The following PCDH10 variants were observed in gnomAD, a reference collection of about 807,000 sequenced individuals.
PCDH10 encodes the protein protocadherin 10.
In PCDH10, 15 loss-of-function variants were observed where a neutral mutation model predicts 74.4. The ratio of observed to expected loss-of-function variants is 0.20; its 90% CI spans 0.13 to 0.31. The LOEUF is 0.31. Ranked by LOEUF, PCDH10 falls within the 10% of genes least tolerant of loss-of-function variation. The probability of loss-of-function intolerance (pLI) is 1.00; values close to 1 mark genes in which losing one functional copy is unlikely to be tolerated. For synonymous variants in PCDH10, 619 were observed against 589.8 expected (o/e 1.05, Z -0.72); for missense variants, 1,260 against 1,390.2 (o/e 0.91, Z 1.49).
intron 4 of PCDH10, 152 bp from the exon 5 acceptor site, chr4:133,189,989 A>T: frequency 1.5e-6 from 1 of 648,294 alleles, no homozygotes; most frequent in Non-Finnish European, 2.8e-6. Context: ...AATGGCTGTG[A>T]CTACTAGCAG....
At chr4:133,161,347 T>C (rs1338122632) in intron 3 of PCDH10, among the ~76,000 whole-genome samples, 1 of 152,170 alleles carries the variant, frequency 6.6e-6, no homozygotes, top group Non-Finnish European at 1.5e-5. Context: ...TTAAAATTTA[T>C]GTAATTTGCT....
At chr4:133,208,454 T>C (rs115720933) in exon 3 of PCDH10, 90 of 152,316 alleles carry the variant, frequency 5.9e-4, no homozygotes, top group African/African-American at 2.1e-3. Context: ...CCAATATGTA[T>C]AATGTACACA....
Position 133,190,802 on chromosome 4 carries a change from G to C in PCDH10, c.*642G>C, listed in dbSNP as rs1727650762. On this transcript the variant is annotated 3_prime_UTR_variant, in exon 5 of 5. Coordinates refer to ENST00000264360, the MANE Select transcript of PCDH10 (RefSeq NM_032961.3). ...TTTTCCTAAAATGTGGTACAACTCAGTTGGTTTTTAAATGGATGCATACAG... is the reference window on the plus strand; with the variant it reads ...TTTTCCTAAAATGTGGTACAACTCACTTGGTTTTTAAATGGATGCATACAG... The C allele has an allele frequency of 6.6e-6, 1 of 151,276 alleles. No individual in the cohort carries two copies. The highest frequency in any genetic ancestry group is 2.1e-4 in the South Asian group (1 of 4,816). The allele number at this position is 151,276 out of a possible 1,614,324, so 9.4% of individuals were successfully genotyped here. A position where few individuals can be genotyped will look rare whatever the true frequency, so the allele number is the denominator to read the frequency against.
chr4:133,168,168 C>T (rs1215601235), intron 4 of PCDH10, among the ~76,000 whole-genome samples: 2 of 150,720 alleles, frequency 1.3e-5, no homozygotes, highest in African/African-American at 4.9e-5. Flanking sequence ...TTTTCTTTTT[C>T]TTTAGTTGTT....
At chr4:133,199,088 C>T (rs979786873), downstream of PCDH10, among the ~76,000 whole-genome samples, 3 of 151,602 alleles carry the variant, frequency 2.0e-5, no homozygotes, top group African/African-American at 7.3e-5. Context: ...TGGAGACCAG[C>T]CTGGGTAACA....
chr4:133,152,138 G>T lies in PCDH10; in HGVS notation c.1998G>T (p.Pro666=), dbSNP rs555765106. ...TCGAGGTGCGCGACCATGGGCAGCC[G>T]CCCCTTTCCTCCACCGCCACCCTGG... ...LVIEVRDHGQ[P]PLSSTATLVV... Residue 666 remains proline, a synonymous_variant, in exon 1 of 5, where the codon CCG becomes CCT. Coordinates refer to ENST00000264360, the MANE Select transcript of PCDH10 (RefSeq NM_032961.3). The T allele has an allele frequency of 1.3e-6, 2 of 1,565,448 alleles. No homozygotes were observed. Among genetic ancestry groups the T allele is most frequent in the African/African-American group, 2.7e-5 (2 of 73,856 alleles).
chr4:133,153,676 G>A (rs1726793181), intron 1 of PCDH10: 1 of 143,370 alleles, frequency 7.0e-6, no homozygotes, highest in South Asian at 2.4e-4. Flanking sequence ...TGTGTGGGTG[G>A]TAGAGGTGGG....
At chr4:133,184,604 G>A (rs1271616195) in intron 4 of PCDH10, among the ~76,000 whole-genome samples, 1 of 149,950 alleles carries the variant, frequency 6.7e-6, no homozygotes, top group Non-Finnish European at 1.5e-5. Context: ...GAGCAAGACT[G>A]TGTCTCAAAA....
At chr4:133,164,148 A>G (rs1727032483) in intron 4 of PCDH10, 1 of 359,528 alleles carries the variant, frequency 2.8e-6, no homozygotes, top group Non-Finnish European at 5.4e-6. Context: ...TTAGCACTTC[A>G]GAACCAAAAA....
intron 3 of PCDH10, among the ~76,000 whole-genome samples, chr4:133,160,091 A>C (rs557816692): frequency 6.6e-6 from 1 of 152,076 alleles, no homozygotes; most frequent in African/African-American, 2.4e-5. Flanking sequence ...TGAAAAAATC[A>C]ATTTTTAATT....
intron 4 of PCDH10, among the ~76,000 whole-genome samples, chr4:133,165,878 A>G (rs186593753): frequency 1.3e-5 from 2 of 151,924 alleles, no homozygotes; most frequent in Admixed American, 1.3e-4. Flanking sequence ...ACTGCAAGAA[A>G]ACAACTTTTA....
chr4:133,169,246 CT>C (rs1226461061), intron 4 of PCDH10, among the ~76,000 whole-genome samples: 3 of 151,604 alleles, frequency 2.0e-5, no homozygotes, highest in Non-Finnish European at 3.0e-5. Flanking sequence ...AGTTTAGTCA[CT>C]TTTTTCTTTA....
chr4:133,201,324 G>A (rs561944120), intron 2 of PCDH10, among the ~76,000 whole-genome samples: 3 of 152,226 alleles, frequency 2.0e-5, no homozygotes, highest in East Asian at 1.9e-4. Context: ...TATTCTCACC[G>A]TAGGATTATG....
At chr4:133,177,439 C>T (rs144109546) in intron 4 of PCDH10, among the ~76,000 whole-genome samples, 2 of 152,108 alleles carry the variant, frequency 1.3e-5, no homozygotes, top group African/African-American at 4.8e-5. Flanking sequence ...ATTCAATGGG[C>T]TCTCTGTGTA....
Position 133,151,506 on chromosome 4 carries a change from G to A in PCDH10, c.1366G>A (p.Val456Met). Residue 456 changes from valine to methionine, a missense_variant, in exon 1 of 5, where the codon GTG becomes ATG. This residue lies in a region of PCDH10 where 2 missense variants were observed against 17.1 expected (regional missense o/e 0.12). Transcript: ENST00000264360. ...GTCGATCCAGGTACAAGTGTCGGAT[G>A]TGAACGACAACGCGCCGCGTTTCAG... is the stretch of plus-strand genomic sequence containing the variant. ...SKSIQVQVSDVNDNAPRFSQP... is the reference protein window; with the variant it reads ...SKSIQVQVSDMNDNAPRFSQP... 1.2e-6 allele frequency: 2 copies of A among 1,614,112 alleles called. No individual in the cohort carries two copies. Among genetic ancestry groups the A allele is most frequent in the South Asian group, 1.1e-5 (1 of 91,078 alleles).
At chr4:133,194,848 A>G (rs116268607), downstream of PCDH10, 29 of 152,112 alleles carry the variant, frequency 1.9e-4, no homozygotes, top group Non-Finnish European at 3.8e-4. Context: ...TTAGTTGTAT[A>G]TGATTCTCAT....
At chr4:133,184,522 C>T (rs1578574406) in intron 4 of PCDH10, among the ~76,000 whole-genome samples, 1 of 151,432 alleles carries the variant, frequency 6.6e-6, no homozygotes, top group East Asian at 1.9e-4. Context: ...ACTTGGTAGT[C>T]TGAGACAGAA....
Position 133,151,905 on chromosome 4 carries a change from G to C in PCDH10, c.1765G>C (p.Val589Leu), listed in dbSNP as rs749146027. The C allele has an allele frequency of 6.2e-7, 1 of 1,612,648 alleles. No homozygotes were observed. Residue 589 changes from valine (V) to leucine (L), a missense_variant, in exon 1 of 5, where the codon GTG becomes CTG. By Grantham distance (32) the Val-to-Leu change is conservative (BLOSUM62 1). This residue lies in a region of PCDH10 where 587 missense variants were observed against 616.9 expected (regional missense o/e 0.95). Coordinates refer to ENST00000264360, the MANE Select transcript of PCDH10 (RefSeq NM_032961.3). ...PGRNGTPARE[V>L]LPRSAEPGYL... is the part of the protein sequence containing the mutation. ...GCGCAACGGGACTCCAGCGCGTGAG[G>C]TGCTGCCCCGCTCGGCGGAGCCGGG... is the stretch of plus-strand genomic sequence containing the variant.
chr4:133,154,847 G>A, intron 2 of PCDH10, 70 bp from the exon 3 acceptor site: 1 of 1,064,812 alleles, frequency 9.4e-7, no homozygotes, highest in Non-Finnish European at 1.5e-6. Context: ...GTGACCATGT[G>A]GTGGCAGAAG....
Sources: gnomAD v4.1 joint callset for allele counts (sites outside exome capture counted in the v4.1 genomes callset) on GRCh38, gnomAD v4.1.1 for gene constraint, gnomAD v4.1.1 regional missense constraint, MANE v1.5 for transcripts, NCBI Gene and HGNC (gene_info 2026-07-23, HGNC 2026-07-21) for gene names.